The following SNX33 variants were observed in gnomAD, a reference collection of about 807,000 sequenced individuals.
SNX33 encodes sorting nexin-33.
Under a neutral mutation model 38.8 loss-of-function variants are expected in SNX33, and 19 were observed. That is an observed-to-expected ratio of 0.49 (90% confidence interval 0.34 to 0.72). The LOEUF (loss-of-function observed/expected upper bound fraction) is 0.72. Ranked by LOEUF, SNX33 falls within the 30% of genes least tolerant of loss-of-function variation. The pLI, the probability that SNX33 is intolerant of heterozygous loss-of-function variation, is 0.01. For synonymous variants in SNX33, 246 were observed against 289.7 expected, an observed-to-expected ratio of 0.85 and a Z score of 1.53; for missense variants, 641 against 776.4, an observed-to-expected ratio of 0.83 and a Z score of 2.07.
Position 75,649,083 on chromosome 15 carries a change from C to T in SNX33, c.-20C>T, listed in dbSNP as rs1231616937. Reference sequence around the variant, plus strand: ...GCAGGACCCTCTCCTTCCCATCTTTCTATACCACCCAGCCCAGCCATGGCA... The same window carrying T: ...GCAGGACCCTCTCCTTCCCATCTTTTTATACCACCCAGCCCAGCCATGGCA... On this transcript the variant is annotated 5_prime_UTR_variant, in exon 1 of 2. Transcript: ENST00000308527. This position sits in a 1 kb window ranked among gnomAD's most constrained non-coding sequence, Gnocchi z 6.6. 7 of 1,559,954 alleles carry T rather than the reference C, an allele frequency of 4.5e-6. No homozygotes were observed. Among genetic ancestry groups the T allele is most frequent in the African/African-American group, 1.4e-5 (1 of 73,338 alleles).
At position 75,648,305 on chromosome 15, in the gene SNX33, C is replaced by A. The variant is rs1323670645; in HGVS notation, c.-798C>A. 7 of 985,312 alleles carry A rather than the reference C, an allele frequency of 7.1e-6. No homozygotes were observed. The highest frequency in any genetic ancestry group is 8.4e-6 in the Non-Finnish European group (7 of 829,954). The allele number at this position is 985,312 out of a possible 1,614,324, so 61.0% of individuals were successfully genotyped here. On this transcript the variant is annotated 5_prime_UTR_variant, in exon 1 of 2. Transcript: ENST00000308527. This position sits in a 1 kb window ranked among gnomAD's most constrained non-coding sequence, Gnocchi z 4.4. ...TCGCCCGACAGCCTCGTCGCGCCCC[C>A]TCCTTCCTCCGGGGTTGGGGCTGGC...
At position 75,661,610 on chromosome 15, in the gene SNX33, T is replaced by G. The variant is rs1399026523; in HGVS notation, c.*4395T>G. 6.6e-6 allele frequency: 1 copy of G among 152,214 alleles called. No individual in the cohort carries two copies. Among genetic ancestry groups the G allele is most frequent in the East Asian group, 1.9e-4 (1 of 5,200 alleles). 9.4% of individuals were successfully genotyped at this position (152,214 alleles called of 1,614,324 possible). ...GCAGTGCAGTCTGTTTAAGAAGTAG[T>G]GTCGCATAGCTGTGGCCTGGATCTG... is the stretch of plus-strand genomic sequence containing the variant. On this transcript the variant is annotated 3_prime_UTR_variant, in exon 2 of 2. Coordinates refer to ENST00000308527, the MANE Select transcript of SNX33 (RefSeq NM_153271.2). The surrounding 1 kb of genome is among the most constrained non-coding windows in gnomAD (Gnocchi z 4.5).
In SNX33 at chr15:75,650,341, A is replaced by T. The variant is rs202134640; in HGVS notation, c.1239A>T (p.Glu413Asp). 8.1e-6 allele frequency: 13 copies of T among 1,602,786 alleles called. No individual in the cohort carries two copies. Among genetic ancestry groups the T allele is most frequent in the Non-Finnish European group, 1.1e-5 (13 of 1,173,382 alleles). ...AACATGTGGGGGGCTTCCGCAAGGA[A>T]TTCCAGAAGCTGGGCAGTGCCTTCC... is the stretch of plus-strand genomic sequence containing the variant. ...VRKHVGGFRKEFQKLGSAFQA... is the reference protein window; with the variant it reads ...VRKHVGGFRKDFQKLGSAFQA... The change falls in exon 1 of 2, where the codon GAA becomes GAT. Residue 413 changes from glutamate to aspartate, a missense_variant. By Grantham distance (45) the Glu-to-Asp change is conservative. This residue lies in a region of SNX33 where 398 missense variants were observed against 542.5 expected (regional missense o/e 0.73). Transcript: ENST00000308527. The surrounding 1 kb of genome is among the most constrained non-coding windows in gnomAD (Gnocchi z 6.1).
rs922060151 is a variant in SNX33 at position 75,661,479 on chromosome 15, CAT to C, written c.*4266_*4267del. 9 of 152,362 alleles carry C rather than the reference CAT, an allele frequency of 5.9e-5. No individual in the cohort carries two copies. The highest frequency in any genetic ancestry group is 1.2e-4 in the Non-Finnish European group (8 of 68,044). The allele number at this position is 152,362 out of a possible 1,614,324, so 9.4% of individuals were successfully genotyped here. On this transcript the variant is annotated 3_prime_UTR_variant, in exon 2 of 2. Coordinates refer to ENST00000308527, the MANE Select transcript of SNX33 (RefSeq NM_153271.2). This position sits in a 1 kb window ranked among gnomAD's most constrained non-coding sequence, Gnocchi z 4.5. ...AAAATCAAACCTCACCACCCCCCGA[CAT>C]AGCTCAGAAGGGCTGATTGTGAAAC...
Position 75,649,175 on chromosome 15 carries a change from G to A in SNX33, c.73G>A (p.Glu25Lys). ...GGAGGAAATCAGCATCCAGCAGGAT[G>A]AGGACCTGGTCATCTTTAGCGAGAC... ...NKEEISIQQD[E>K]DLVIFSETSL... is the part of the protein sequence containing the mutation. The change falls in exon 1 of 2, where the codon GAG becomes AAG. Residue 25 changes from glutamate to lysine, a missense_variant. Transcript: ENST00000308527. This position sits in a 1 kb window ranked among gnomAD's most constrained non-coding sequence, Gnocchi z 6.6. 1 of 1,614,062 alleles carries A rather than the reference G, an allele frequency of 6.2e-7. No homozygotes were observed. Among genetic ancestry groups the A allele is most frequent in the Non-Finnish European group, 8.5e-7 (1 of 1,179,954 alleles).
intron 1 of SNX33, among the ~76,000 whole-genome samples, chr15:75,653,225 CT>C (rs1893605652): frequency 1.3e-5 from 2 of 152,202 alleles, no homozygotes; most frequent in Admixed American, 6.5e-5. Flanking sequence ...CTGGCTGGAG[CT>C]GAGAGGAGCC....
chr15:75,652,037 T>G (rs1385473931), intron 1 of SNX33, among the ~76,000 whole-genome samples: 1 of 149,972 alleles, frequency 6.7e-6, no homozygotes, highest in Admixed American at 6.7e-5. Context: ...ATCTCTACCT[T>G]TCTTCCTCCT....
rs551040248 is a variant in SNX33, at chr15:75,658,747, A to G, written c.*1532A>G. 2.6e-5 allele frequency: 4 copies of G among 152,458 alleles called. No homozygotes were observed. The highest frequency in any genetic ancestry group is 4.4e-5 in the Non-Finnish European group (3 of 68,038). The allele number at this position is 152,458 out of a possible 1,614,324, so 9.4% of individuals were successfully genotyped here. On this transcript the variant is annotated 3_prime_UTR_variant, in exon 2 of 2. Coordinates refer to ENST00000308527, the MANE Select transcript of SNX33 (RefSeq NM_153271.2). The surrounding 1 kb of genome is among the most constrained non-coding windows in gnomAD (Gnocchi z 4.1). ...AGATTCTGAGGTCGTGGTGGGCACA[A>G]ATTTTCCACAGAACCTCAAAAGTTC...
Position 75,649,134 on chromosome 15 carries a change from T to C in SNX33, c.32T>C (p.Phe11Ser). The C allele has an allele frequency of 6.2e-7, 1 of 1,609,484 alleles. No homozygotes were observed. Among genetic ancestry groups the C allele is most frequent in the Non-Finnish European group, 8.5e-7 (1 of 1,177,132 alleles). Residue 11 changes from phenylalanine to serine, a missense_variant, in exon 1 of 2, where the codon TTT becomes TCT. Physicochemically the swap from Phe to Ser is radical, Grantham distance 155. Transcript: ENST00000308527. The surrounding 1 kb of genome is among the most constrained non-coding windows in gnomAD (Gnocchi z 6.6). The part of the protein sequence containing the change: MALKGRALYD[F>S]HSENKEEISI... Reference sequence around the variant, plus strand: ...CTGAAAGGCCGAGCCCTCTATGACTTTCACAGTGAGAACAAGGAGGAAATC... The same window carrying C: ...CTGAAAGGCCGAGCCCTCTATGACTCTCACAGTGAGAACAAGGAGGAAATC...
In SNX33 at chr15:75,659,936, T is replaced by C; in HGVS notation, c.*2721T>C. 7.0e-6 allele frequency: 1 copy of C among 142,630 alleles called. No individual in the cohort carries two copies. The highest frequency in any genetic ancestry group is 1.5e-5 in the Non-Finnish European group (1 of 65,698). 8.8% of individuals were successfully genotyped at this position (142,630 alleles called of 1,614,324 possible). ...CTGGCCCTCCTCTCTCTTTTCTTTC[T>C]GCCTCTATGGGGGTGGGGGTATTGG... On this transcript the variant is annotated 3_prime_UTR_variant, in exon 2 of 2. Transcript: ENST00000308527.
rs964588331 is a variant in SNX33, at chr15:75,660,633, G to A, written c.*3418G>A. 2.0e-5 allele frequency: 3 copies of A among 152,846 alleles called. No individual in the cohort carries two copies. Among genetic ancestry groups the A allele is most frequent in the Non-Finnish European group, 4.4e-5 (3 of 68,250 alleles). 9.5% of individuals were successfully genotyped at this position (152,846 alleles called of 1,614,324 possible). A position where few individuals can be genotyped will look rare whatever the true frequency, so the allele number is the denominator to read the frequency against. ...CTTGCCATCCATTCAAAGCACCAGTGGCTACTTTGTCAGACACAGCCACAC... is the reference window on the plus strand; with the variant it reads ...CTTGCCATCCATTCAAAGCACCAGTAGCTACTTTGTCAGACACAGCCACAC... On this transcript the variant is annotated 3_prime_UTR_variant, in exon 2 of 2. Transcript: ENST00000308527.
Position 75,649,072 on chromosome 15 carries a change from T to C in SNX33, c.-31T>C, listed in dbSNP as rs771827227. 2 of 1,550,190 alleles carry C rather than the reference T, an allele frequency of 1.3e-6. No homozygotes were observed. The highest frequency in any genetic ancestry group is 1.7e-6 in the Non-Finnish European group (2 of 1,146,196). On this transcript the variant is annotated 5_prime_UTR_variant, in exon 1 of 2. Coordinates refer to ENST00000308527, the MANE Select transcript of SNX33 (RefSeq NM_153271.2). This position sits in a 1 kb window ranked among gnomAD's most constrained non-coding sequence, Gnocchi z 6.6. ...CCCCGGTCTGGGCAGGACCCTCTCC[T>C]TCCCATCTTTCTATACCACCCAGCC...
At position 75,649,076 on chromosome 15, in the gene SNX33, C is replaced by T. The variant is rs1258360139; in HGVS notation, c.-27C>T. 1 of 1,552,006 alleles carries T rather than the reference C, an allele frequency of 6.4e-7. No homozygotes were observed. The highest frequency in any genetic ancestry group is 2.3e-5 in the East Asian group (1 of 44,242). ...GGTCTGGGCAGGACCCTCTCCTTCCCATCTTTCTATACCACCCAGCCCAGC... is the reference window on the plus strand; with the variant it reads ...GGTCTGGGCAGGACCCTCTCCTTCCTATCTTTCTATACCACCCAGCCCAGC... On this transcript the variant is annotated 5_prime_UTR_variant, in exon 1 of 2. Transcript: ENST00000308527. This position sits in a 1 kb window ranked among gnomAD's most constrained non-coding sequence, Gnocchi z 6.6.
At position 75,661,827 on chromosome 15, in the gene SNX33, G is replaced by A. The variant is rs1893726764; in HGVS notation, c.*4612G>A. 1 of 152,122 alleles carries A rather than the reference G, an allele frequency of 6.6e-6. No homozygotes were observed. Among genetic ancestry groups the A allele is most frequent in the Non-Finnish European group, 1.5e-5 (1 of 68,036 alleles). The allele number at this position is 152,122 out of a possible 1,614,324, so 9.4% of individuals were successfully genotyped here. A position where few individuals can be genotyped will look rare whatever the true frequency, so the allele number is the denominator to read the frequency against. ...ATTTAGGGCCAAAGGAAGAAGGGGA[G>A]GCAGATTTCCCCTCTAGATGAGTGA... On this transcript the variant is annotated 3_prime_UTR_variant, in exon 2 of 2. Coordinates refer to ENST00000308527, the MANE Select transcript of SNX33 (RefSeq NM_153271.2). This position sits in a 1 kb window ranked among gnomAD's most constrained non-coding sequence, Gnocchi z 4.5.
At chr15:75,651,502 G>A (rs1422243325) in intron 1 of SNX33, among the ~76,000 whole-genome samples, 3 of 152,182 alleles carry the variant, frequency 2.0e-5, no homozygotes, top group Non-Finnish European at 2.9e-5. Flanking sequence ...ATGAACTGCC[G>A]GGGAAATGAC....
chr15:75,655,827 C>G (rs956832804), intron 1 of SNX33, among the ~76,000 whole-genome samples: 3 of 152,302 alleles, frequency 2.0e-5, no homozygotes, highest in South Asian at 4.1e-4. Context: ...CTATGCCAAC[C>G]CTTCCCTGCT....
chr15:75,652,558 T>G (rs988969231), intron 1 of SNX33, among the ~76,000 whole-genome samples: 3 of 152,222 alleles, frequency 2.0e-5, no homozygotes, highest in African/African-American at 7.2e-5. Context: ...CCAGCCTTTC[T>G]GACCCTGGGC....
chr15:75,652,560 A>T (rs1419429028), intron 1 of SNX33, among the ~76,000 whole-genome samples: 2 of 152,072 alleles, frequency 1.3e-5, no homozygotes, highest in Non-Finnish European at 2.9e-5. Flanking sequence ...AGCCTTTCTG[A>T]CCCTGGGCAG....
At position 75,650,583 on chromosome 15, in the gene SNX33, A is replaced by G; in HGVS notation, c.1471+10A>G. 6.4e-7 allele frequency: 1 copy of G among 1,571,272 alleles called. No homozygotes were observed. Among genetic ancestry groups the G allele is most frequent in the Non-Finnish European group, 8.6e-7 (1 of 1,157,324 alleles). The stretch of plus-strand genomic sequence containing the variant: ...ATCCATCTACAAAAAGGTAAGGCCC[A>G]GTGCAGGCAGGAAACTCGTCCTGAG... On this transcript the variant is annotated intron_variant, in intron 1 of 1. Coordinates refer to ENST00000308527, the MANE Select transcript of SNX33 (RefSeq NM_153271.2). The surrounding 1 kb of genome is among the most constrained non-coding windows in gnomAD (Gnocchi z 6.1).
Sources: allele counts gnomAD v4.1 joint callset (sites outside exome capture counted in the v4.1 genomes callset), GRCh38; gene constraint gnomAD v4.1.1; regional missense constraint gnomAD v4.1.1; non-coding constraint Gnocchi (gnomAD v3.1); transcripts MANE v1.5; gene names NCBI Gene and HGNC (gene_info 2026-07-23, HGNC 2026-07-21).